Variants in SIM2 observed in about 807,000 individuals in gnomAD.
The protein encoded by SIM2 is SIM bHLH transcription factor 2.
In SIM2, 28 loss-of-function variants were observed where a neutral mutation model predicts 64.8. That is an observed-to-expected ratio of 0.43 (90% confidence interval 0.32 to 0.59). The LOEUF (loss-of-function observed/expected upper bound fraction) is 0.59, where lower values mean the gene tolerates loss of function less well. Ranked by LOEUF, SIM2 falls within the 20% of genes least tolerant of loss-of-function variation. The probability of loss-of-function intolerance (pLI) is 0.07; values close to 1 mark genes in which losing one functional copy is unlikely to be tolerated. For synonymous variants in SIM2, 408 were observed against 391.1 expected (o/e 1.04, Z -0.51); for missense variants, 847 against 871.4 (o/e 0.97, Z 0.35).
intron 1 of SIM2, among the ~76,000 whole-genome samples, chr21:36,703,229 A>G (rs1306793445): frequency 1.3e-5 from 2 of 152,216 alleles, no homozygotes; most frequent in African/African-American, 2.4e-5. Flanking sequence ...GAGGGAGACC[A>G]CCAGAACCAG....
rs564684066 is a variant in SIM2, at chr21:36,726,340, G to C, written c.743+22G>C. ...CCAGGTGAGTTCGGCACCTGCCACA[G>C]TGGCTGTGGCCTTCTGGAAGACACC... On this transcript the variant is annotated intron_variant, in intron 6 of 10. Coordinates refer to ENST00000290399, the MANE Select transcript of SIM2 (RefSeq NM_005069.6). The surrounding 1 kb of genome is among the most constrained non-coding windows in gnomAD (Gnocchi z 4.5). 6.2e-7 allele frequency: 1 copy of C among 1,601,604 alleles called. No individual in the cohort carries two copies. Among genetic ancestry groups the C allele is most frequent in the African/African-American group, 1.3e-5 (1 of 74,822 alleles).
chr21:36,708,689 C>T (rs564550203), intron 1 of SIM2, among the ~76,000 whole-genome samples: 15 of 151,630 alleles, frequency 9.9e-5, no homozygotes, highest in Non-Finnish European at 1.9e-4. Flanking sequence ...GACTTTCTGT[C>T]TCAGCCTGTC....
Position 36,709,178 on chromosome 21 carries a change from C to G in SIM2, c.186C>G (p.Asp62Glu), listed in dbSNP as rs1304703841. Residue 62 changes from aspartate (D) to glutamate (E), a missense_variant, in exon 2 of 11, where the codon GAC becomes GAG. By Grantham distance (45) the Asp-to-Glu change is conservative. Coordinates refer to ENST00000290399, the MANE Select transcript of SIM2 (RefSeq NM_005069.6). Reference protein sequence around the residue: ...MRAVFPEGLGDAWGQPSRAGP... With the variant: ...MRAVFPEGLGEAWGQPSRAGP... ...TCGTCCCTCGTCCAGGTTTAGGAGA[C>G]GCGTGGGGACAGCCGAGCCGCGCCG... is the stretch of plus-strand genomic sequence containing the variant. The G allele has an allele frequency of 6.2e-7, 1 of 1,609,032 alleles. No individual in the cohort carries two copies. The highest frequency in any genetic ancestry group is 1.3e-5 in the African/African-American group (1 of 74,970).
chr21:36,709,054 C>A, intron 1 of SIM2, 114 bp from the exon 2 acceptor site: 4 of 857,986 alleles, frequency 4.7e-6, no homozygotes, highest in Non-Finnish European at 7.0e-6. Flanking sequence ...CGGGGAGACG[C>A]GCGGGACTCG....
intron 7 of SIM2, among the ~76,000 whole-genome samples, chr21:36,731,601 T>A (rs1299611748): frequency 6.6e-6 from 1 of 152,112 alleles, no homozygotes; most frequent in African/African-American, 2.4e-5. Flanking sequence ...GAGGTCCAGA[T>A]AGGTTAAGCC....
rs1202188324 is a variant in SIM2 at position 36,719,816 on chromosome 21, G to A, written c.349-5G>A. On this transcript the variant is annotated splice_polypyrimidine_tract_variant and splice_region_variant and intron_variant, in intron 3 of 10. Coordinates refer to ENST00000290399, the MANE Select transcript of SIM2 (RefSeq NM_005069.6). ...GGCATTTCTGACCCTTCCCTTCCAC[G>A]GCAGGTGGAGCTCACGGGCAACAGT... 8.2e-6 allele frequency: 13 copies of A among 1,585,974 alleles called. No individual in the cohort carries two copies. Among genetic ancestry groups the A allele is most frequent in the African/African-American group, 2.7e-5 (2 of 74,190 alleles).
At position 36,747,880 on chromosome 21, in the gene SIM2, G is replaced by T. The variant is rs1481530554; in HGVS notation, c.1792G>T (p.Val598Leu). 2 of 1,070,572 alleles carry T rather than the reference G, an allele frequency of 1.9e-6. No individual in the cohort carries two copies. The highest frequency in any genetic ancestry group is 2.3e-6 in the Non-Finnish European group (2 of 877,552). The allele number at this position is 1,070,572 out of a possible 1,614,324, so 66.3% of individuals were successfully genotyped here. A position where few individuals can be genotyped will look rare whatever the true frequency, so the allele number is the denominator to read the frequency against. ...APGAPAQLPF[V>L]LLNYHRVLAR... ...GGGCGCGCCGGCGCAGCTGCCCTTC[G>T]TGCTGCTCAACTACCACCGCGTGCT... Residue 598 changes from valine (V) to leucine (L), a missense_variant, in exon 11 of 11, where the codon GTG becomes TTG. This residue lies in a region of SIM2 where 447 missense variants were observed against 414.6 expected (regional missense o/e 1.08). Transcript: ENST00000290399. This position sits in a 1 kb window ranked among gnomAD's most constrained non-coding sequence, Gnocchi z 4.5.
At chr21:36,700,194 C>T (rs1217711336) in intron 1 of SIM2, among the ~76,000 whole-genome samples, 5 of 152,216 alleles carry the variant, frequency 3.3e-5, no homozygotes, top group Non-Finnish European at 7.3e-5. Flanking sequence ...TCCCCCAGCC[C>T]GCACGGCCAG....
Position 36,747,478 on chromosome 21 carries a change from T to G in SIM2, c.1577-187T>G, listed in dbSNP as rs774745484. Among the ~76,000 whole-genome samples the G allele has an allele frequency of 6.6e-6, 1 of 152,016 alleles. No homozygotes were observed. Among genetic ancestry groups the G allele is most frequent in the Non-Finnish European group, 1.5e-5 (1 of 67,986 alleles). On this transcript the variant is annotated intron_variant, in intron 10 of 10. Transcript: ENST00000290399. This position sits in a 1 kb window ranked among gnomAD's most constrained non-coding sequence, Gnocchi z 4.5. ...TTTCCCTGCTTTGTAACGCGGCTCCTGGAACATTTCAGGTCGCGTCCTGAG... is the reference window on the plus strand; with the variant it reads ...TTTCCCTGCTTTGTAACGCGGCTCCGGGAACATTTCAGGTCGCGTCCTGAG...
intron 1 of SIM2, among the ~76,000 whole-genome samples, chr21:36,706,594 A>G (rs958301091): frequency 6.6e-6 from 1 of 152,378 alleles, no homozygotes; most frequent in Admixed American, 6.5e-5. Flanking sequence ...ATCACTTTAC[A>G]GTATCAAGAC....
intron 1 of SIM2, among the ~76,000 whole-genome samples, chr21:36,707,588 T>A (rs369019445): frequency 1.8e-4 from 28 of 152,220 alleles, no homozygotes; most frequent in African/African-American, 2.4e-4. Flanking sequence ...GAATAGTGGT[T>A]TTTTTTAACT....
chr21:36,700,665 G>T (rs2088478821), intron 1 of SIM2, among the ~76,000 whole-genome samples: 1 of 152,198 alleles, frequency 6.6e-6, no homozygotes, highest in Non-Finnish European at 1.5e-5. Context: ...AGCACTGCAG[G>T]CTGAGGCCAC....
Position 36,744,916 on chromosome 21 carries a change from C to A in SIM2, c.1356C>A (p.His452Gln). The change falls in exon 10 of 11, where the codon CAC becomes CAA. Residue 452 changes from histidine to glutamine, a missense_variant. His to Gln is a conservative substitution (Grantham distance 24). This residue lies in a region of SIM2 where 447 missense variants were observed against 414.6 expected (regional missense o/e 1.08). Transcript: ENST00000290399. ...ACGGACACTTCCCTCTGGACTCTCA[C>A]GTCTTCAGCAGCAAAAAGCCAATGT... Reference protein sequence around the residue: ...YHYGHFPLDSHVFSSKKPMLP... With the variant: ...YHYGHFPLDSQVFSSKKPMLP... The A allele has an allele frequency of 6.2e-7, 1 of 1,614,262 alleles. No individual in the cohort carries two copies. The highest frequency in any genetic ancestry group is 8.5e-7 in the Non-Finnish European group (1 of 1,180,044).
At chr21:36,742,201 G>A (rs866292343) in intron 8 of SIM2, among the ~76,000 whole-genome samples, 1 of 151,884 alleles carries the variant, frequency 6.6e-6, no homozygotes, top group African/African-American at 2.4e-5. Flanking sequence ...GGTGCAAAGA[G>A]GGTGCACACC....
Position 36,709,267 on chromosome 21 carries a change from G to A in SIM2, c.258+17G>A, listed in dbSNP as rs1391070315. The stretch of plus-strand genomic sequence containing the variant: ...TTGCTGCAGGTAGAGCGGCCTCGCC[G>A]GGGGAGGAGCGCAGCCGCCGCAGGC... On this transcript the variant is annotated intron_variant, in intron 2 of 10. Coordinates refer to ENST00000290399, the MANE Select transcript of SIM2 (RefSeq NM_005069.6). 4 of 1,577,548 alleles carry A rather than the reference G, an allele frequency of 2.5e-6. No homozygotes were observed. The highest frequency in any genetic ancestry group is 3.6e-5 in the Admixed American group (2 of 54,958).
In SIM2 at chr21:36,747,667, CCCG is replaced by C. The variant is rs776656761; in HGVS notation, c.1589_1591del (p.Ala530del). 8.9e-5 allele frequency: 111 copies of C among 1,254,064 alleles called. No individual in the cohort carries two copies. Among genetic ancestry groups the C allele is most frequent in the South Asian group, 8.2e-4 (28 of 34,286 alleles). 77.7% of individuals were successfully genotyped at this position (1,254,064 alleles called of 1,614,324 possible). A position where few individuals can be genotyped will look rare whatever the true frequency, so the allele number is the denominator to read the frequency against. ...TAACGTGTCGCCTGTCCCCGCAGCG[CCCG>C]CCGCCGCCGTGCGCAGGTTCGGCGA... On this transcript the variant is annotated inframe_deletion, in exon 11 of 11. Transcript: ENST00000290399. This position sits in a 1 kb window ranked among gnomAD's most constrained non-coding sequence, Gnocchi z 4.5.
At position 36,745,978 on chromosome 21, in the gene SIM2, A is replaced by T. The variant is rs1243304947; in HGVS notation, c.1576+842A>T. On this transcript the variant is annotated intron_variant, in intron 10 of 10. Coordinates refer to ENST00000290399, the MANE Select transcript of SIM2 (RefSeq NM_005069.6). This position sits in a 1 kb window ranked among gnomAD's most constrained non-coding sequence, Gnocchi z 4.8. The stretch of plus-strand genomic sequence containing the variant: ...CAGAGTGTAGACCGAGATGGTGCAG[A>T]TGCCTGCAGTGCCACTAAAATGTGG... The T allele has an allele frequency of 1.0e-5, 12 of 1,198,238 alleles. No homozygotes were observed. In the East Asian group the frequency reaches 5.4e-4, roughly 54 times the overall value. The allele number at this position is 1,198,238 out of a possible 1,614,324, so 74.2% of individuals were successfully genotyped here. A position where few individuals can be genotyped will look rare whatever the true frequency, so the allele number is the denominator to read the frequency against.
chr21:36,721,628 A>G (rs2088823731), intron 4 of SIM2, among the ~76,000 whole-genome samples: 1 of 151,952 alleles, frequency 6.6e-6, no homozygotes, highest in Non-Finnish European at 1.5e-5. Context: ...TTTTTATTAG[A>G]GACAGGGTTT....
rs2089245788 is a variant in SIM2 at position 36,747,598 on chromosome 21, G to A, written c.1577-67G>A. 49 of 1,127,330 alleles carry A rather than the reference G, an allele frequency of 4.3e-5. No homozygotes were observed. The highest frequency in any genetic ancestry group is 5.2e-5 in the Non-Finnish European group (47 of 911,096). The allele number at this position is 1,127,330 out of a possible 1,614,324, so 69.8% of individuals were successfully genotyped here. On this transcript the variant is annotated intron_variant, in intron 10 of 10. Coordinates refer to ENST00000290399, the MANE Select transcript of SIM2 (RefSeq NM_005069.6). The surrounding 1 kb of genome is among the most constrained non-coding windows in gnomAD (Gnocchi z 4.5). ...GCCGAGGGGTGGTGGCTGCGCCCGG[G>A]GCTTGGGGGTGGGGTGGCTGCGGCC...
Sources: gnomAD v4.1 joint callset for allele counts (sites outside exome capture counted in the v4.1 genomes callset) on GRCh38, gnomAD v4.1.1 for gene constraint, gnomAD v4.1.1 regional missense constraint, Gnocchi (gnomAD v3.1) non-coding constraint, MANE v1.5 for transcripts, NCBI Gene and HGNC (gene_info 2026-07-23, HGNC 2026-07-21) for gene names.